Variants in FAM13C observed in about 807,000 individuals in gnomAD.
The protein encoded by FAM13C is protein FAM13C.
FAM13C carries 37 observed loss-of-function variants against 73.2 expected under a neutral mutation model. The ratio of observed to expected loss-of-function variants is 0.51; its 90% CI spans 0.39 to 0.67. FAM13C has a LOEUF of 0.67. FAM13C is among the 30% of genes least tolerant of loss of function. The probability of loss-of-function intolerance (pLI) is 0.00; values close to 1 mark genes in which losing one functional copy is unlikely to be tolerated. For missense variants in FAM13C, 589 were observed against 715.6 expected, an observed-to-expected ratio of 0.82 and a Z score of 2.02; for synonymous variants, 246 against 260.9, an observed-to-expected ratio of 0.94 and a Z score of 0.55.
At chr10:59,320,446 G>A (rs1850069397) in intron 4 of FAM13C, among the ~76,000 whole-genome samples, 1 of 152,198 alleles carries the variant, frequency 6.6e-6, no homozygotes, top group South Asian at 2.1e-4. Context: ...TGTATCTGAG[G>A]TTGGCTCTGT....
chr10:59,347,152 T>C (rs1039315278), intron 3 of FAM13C, among the ~76,000 whole-genome samples: 2 of 152,192 alleles, frequency 1.3e-5, no homozygotes, highest in Non-Finnish European at 2.9e-5. Context: ...TCCTTCTAAA[T>C]ACCTTAACTT....
chr10:59,287,526 CT>C (rs1845745729), intron 5 of FAM13C, among the ~76,000 whole-genome samples: 1 of 151,208 alleles, frequency 6.6e-6, no homozygotes, highest in South Asian at 2.1e-4. Flanking sequence ...TGTAAGTGCT[CT>C]TGTATATTCT....
At chr10:59,254,296 C>A (rs1903252) in intron 11 of FAM13C, 52 bp downstream of exon 11, 978,033 of 1,196,960 alleles carry the variant, frequency 0.82, 404,688 homozygotes, top group Admixed American at 0.86. Flanking sequence ...ATGTGACATC[C>A]TGTTAACTAC....
intron 3 of FAM13C, among the ~76,000 whole-genome samples, chr10:59,338,037 A>G (rs940307449): frequency 1.3e-5 from 2 of 152,076 alleles, no homozygotes; most frequent in Non-Finnish European, 2.9e-5. Context: ...CAATAACCAT[A>G]CTAACAGCTA....
chr10:59,352,103 T>A (rs1825618161), intron 3 of FAM13C, among the ~76,000 whole-genome samples, 167 bp downstream of exon 3: 1 of 152,092 alleles, frequency 6.6e-6, no homozygotes, highest in South Asian at 2.1e-4. Flanking sequence ...GCACCCAACT[T>A]TTAACCTGCA....
chr10:59,354,261 G>C (rs552416369), intron 2 of FAM13C, among the ~76,000 whole-genome samples: 1 of 152,182 alleles, frequency 6.6e-6, no homozygotes, highest in African/African-American at 2.4e-5. Flanking sequence ...CCTTGACTTG[G>C]AAAGCCAGGA....
chr10:59,293,652 GT>G (rs1197083013), intron 5 of FAM13C, among the ~76,000 whole-genome samples: 1 of 152,098 alleles, frequency 6.6e-6, no homozygotes, highest in Non-Finnish European at 1.5e-5. Context: ...ATAAACTTGA[GT>G]TTTATAACCT....
intron 13 of FAM13C, 77 bp from the exon 14 acceptor site, chr10:59,247,814 G>A: frequency 3.4e-6 from 5 of 1,462,524 alleles, no homozygotes; most frequent in Non-Finnish European, 4.7e-6. Context: ...ATTCATACAT[G>A]AGAAAGTATA....
intron 3 of FAM13C, among the ~76,000 whole-genome samples, chr10:59,341,673 G>A (rs922483034): frequency 4.6e-5 from 7 of 152,032 alleles, no homozygotes; most frequent in Non-Finnish European, 7.4e-5. Context: ...TCGGCAACAA[G>A]AGCAAAACTC....
At position 59,321,853 on chromosome 10, in the gene FAM13C, C is replaced by T. The variant is rs186505944; in HGVS notation, c.443+2135G>A. Among the ~76,000 whole-genome samples the T allele has an allele frequency of 5.7e-3, 866 of 152,204 alleles. 7 individuals are homozygous for T. The highest frequency in any genetic ancestry group is 0.02 in the African/African-American group (827 of 41,538). ...TGTGTGACCCCAAGGAGTAAGGTGGCCTCTTGCTACAGAGAGATCTTTCTT... is the reference window on the plus strand; with the variant it reads ...TGTGTGACCCCAAGGAGTAAGGTGGTCTCTTGCTACAGAGAGATCTTTCTT... On this transcript the variant is annotated intron_variant, in intron 4 of 13. Coordinates refer to ENST00000618804, the MANE Select transcript of FAM13C (RefSeq NM_198215.4).
intron 4 of FAM13C, among the ~76,000 whole-genome samples, chr10:59,317,695 T>A (rs1297654795): frequency 2.0e-5 from 3 of 152,190 alleles, no homozygotes; most frequent in Non-Finnish European, 4.4e-5. Flanking sequence ...CATTCTTGTC[T>A]AGCTTTCTAT....
At chr10:59,346,619 G>C (rs981244368) in intron 3 of FAM13C, among the ~76,000 whole-genome samples, 1 of 152,182 alleles carries the variant, frequency 6.6e-6, no homozygotes, top group Admixed American at 6.5e-5. Context: ...CATGATGCCA[G>C]ATGGCACGGA....
rs975820547 is a variant in FAM13C, at chr10:59,324,208, A to G, written c.325-102T>C. 7 of 858,084 alleles carry G rather than the reference A, an allele frequency of 8.2e-6. No homozygotes were observed. In the African/African-American group the frequency reaches 1.2e-4, roughly 15 times the overall value. 53.2% of individuals were successfully genotyped at this position (858,084 alleles called of 1,614,324 possible). A position where few individuals can be genotyped will look rare whatever the true frequency, so the allele number is the denominator to read the frequency against. ...TCTCGGGGCAGGGAAGCAGCAATGCATAACACATTCTGCTGATTGTAGTGT... is the reference window on the plus strand; with the variant it reads ...TCTCGGGGCAGGGAAGCAGCAATGCGTAACACATTCTGCTGATTGTAGTGT... On this transcript the variant is annotated intron_variant, in intron 3 of 13. Transcript: ENST00000618804.
intron 10 of FAM13C, among the ~76,000 whole-genome samples, chr10:59,261,379 G>A (rs1051595523): frequency 2.0e-5 from 3 of 152,128 alleles, no homozygotes; most frequent in Non-Finnish European, 2.9e-5. Context: ...AGGGGCATAT[G>A]TTGAGCCTTT....
At chr10:59,309,751 C>T (rs990845064) in intron 4 of FAM13C, among the ~76,000 whole-genome samples, 23 of 152,178 alleles carry the variant, frequency 1.5e-4, no homozygotes, top group African/African-American at 4.1e-4. Flanking sequence ...TTCTTTCTCA[C>T]GATGGTGAGC....
chr10:59,276,472 A>G (rs1220300638), intron 6 of FAM13C, among the ~76,000 whole-genome samples: 1 of 152,156 alleles, frequency 6.6e-6, no homozygotes, highest in Non-Finnish European at 1.5e-5. Context: ...TGCCATTCTA[A>G]CAACAATCCT....
intron 1 of FAM13C, 33 bp downstream of exon 1, chr10:59,362,366 G>C: frequency 6.2e-7 from 1 of 1,610,774 alleles, no homozygotes; most frequent in East Asian, 2.2e-5. Flanking sequence ...AGAAAGGCAT[G>C]CAAGTCTAAT....
chr10:59,305,833 G>A (rs1214425253), intron 4 of FAM13C, among the ~76,000 whole-genome samples: 1 of 152,234 alleles, frequency 6.6e-6, no homozygotes, highest in Non-Finnish European at 1.5e-5. Context: ...GAAAAAGAGG[G>A]TGAGGAGGAA....
At chr10:59,250,434 A>G (rs748487683) in intron 13 of FAM13C, among the ~76,000 whole-genome samples, 5 of 152,250 alleles carry the variant, frequency 3.3e-5, no homozygotes, top group East Asian at 1.9e-4. Context: ...TCAACTGGAA[A>G]GGAAGATTGT....
Sources: gnomAD v4.1 joint callset for allele counts (sites outside exome capture counted in the v4.1 genomes callset) on GRCh38, gnomAD v4.1.1 for gene constraint, MANE v1.5 for transcripts, NCBI Gene and HGNC (gene_info 2026-07-23, HGNC 2026-07-21) for gene names.